ST8SIA6: variants seen among roughly 807,000 people sequenced by gnomAD.
The protein encoded by ST8SIA6 is ST8 alpha-N-acetyl-neuraminide alpha-2,8-sialyltransferase 6, also known as alpha-2,8-sialyltransferase 8F.
Under a neutral mutation model 33.6 loss-of-function variants are expected in ST8SIA6, and 39 were observed. That is an observed-to-expected ratio of 1.16 (90% CI 0.90 to 1.52). The LOEUF (loss-of-function observed/expected upper bound fraction) is 1.52. ST8SIA6 is among the 40% of genes most tolerant of loss of function. ST8SIA6 has a pLI of 0.00. For missense variants in ST8SIA6, 441 were observed against 443.8 expected, an observed-to-expected ratio of 0.99 and a Z score of 0.06; for synonymous variants, 172 against 167.2, an observed-to-expected ratio of 1.03 and a Z score of -0.22.
Position 17,320,178 on chromosome 10 carries a change from C to A in ST8SIA6, c.*700G>T, listed in dbSNP as rs568880294. 6.6e-6 allele frequency: 1 copy of A among 151,624 alleles called. No homozygotes were observed. The highest frequency in any genetic ancestry group is 1.5e-5 in the Non-Finnish European group (1 of 67,980). 9.4% of individuals were successfully genotyped at this position (151,624 alleles called of 1,614,324 possible). On this transcript the variant is annotated 3_prime_UTR_variant, in exon 8 of 8. Coordinates refer to ENST00000377602, the MANE Select transcript of ST8SIA6 (RefSeq NM_001004470.3). ...AACTGTTCACGTCCTTGAAGTATAT[C>A]GTATAAGTGAGAGAGAAAAAAGTGT...
chr10:17,351,346 C>A (rs1849022517), intron 4 of ST8SIA6, among the ~76,000 whole-genome samples: 1 of 151,254 alleles, frequency 6.6e-6, no homozygotes, highest in Non-Finnish European at 1.5e-5. Flanking sequence ...ATTCTCTGAA[C>A]CTCTACCTCT....
At chr10:17,370,479 T>C (rs1283791534) in intron 3 of ST8SIA6, among the ~76,000 whole-genome samples, 1 of 152,210 alleles carries the variant, frequency 6.6e-6, no homozygotes, top group Non-Finnish European at 1.5e-5. Context: ...TAACATCTTT[T>C]ATAATTTTAA....
intron 2 of ST8SIA6, among the ~76,000 whole-genome samples, chr10:17,402,462 A>G (rs1014106683): frequency 9.2e-5 from 14 of 152,346 alleles, no homozygotes; most frequent in African/African-American, 2.4e-4. Context: ...TCATGCTGCT[A>G]TAAAGACACA....
intron 2 of ST8SIA6, among the ~76,000 whole-genome samples, chr10:17,445,260 G>C (rs946133645): frequency 3.9e-5 from 6 of 152,146 alleles, no homozygotes; most frequent in East Asian, 1.9e-4. Flanking sequence ...ACAGCAGAGA[G>C]TAAACAGTGC....
intron 3 of ST8SIA6, among the ~76,000 whole-genome samples, chr10:17,366,348 G>GATT (rs575468059): frequency 3.3e-5 from 5 of 152,136 alleles, no homozygotes; most frequent in African/African-American, 1.2e-4. Context: ...CAGCTTCAGA[G>GATT]ATTAACTCCT....
chr10:17,437,712 T>TTCCCTTCCCTCCCTTCCC lies in ST8SIA6; in HGVS notation c.200+15829_200+15846dup, dbSNP rs369058675. On this transcript the variant is annotated intron_variant, in intron 2 of 7. Coordinates refer to ENST00000377602, the MANE Select transcript of ST8SIA6 (RefSeq NM_001004470.3). Reference sequence around the variant, plus strand: ...TTCTCCCTTCCCTTCCTTCCCTTCCTTCCCTTCCCTCCCTTCCCTCCCTTT... The same window carrying TTCCCTTCCCTCCCTTCCC: ...TTCTCCCTTCCCTTCCTTCCCTTCCTTCCCTTCCCTCCCTTCCCTCCCTTCCCTCCCTTCCCTCCCTTT... Among the ~76,000 whole-genome samples, 134 of 146,798 alleles carry TTCCCTTCCCTCCCTTCCC rather than the reference T, an allele frequency of 9.1e-4. 2 individuals carry two copies. Among genetic ancestry groups the TTCCCTTCCCTCCCTTCCC allele is most frequent in the African/African-American group, 3.2e-3 (123 of 38,968 alleles).
At chr10:17,405,114 A>T (rs1263949969) in intron 2 of ST8SIA6, among the ~76,000 whole-genome samples, 1 of 152,212 alleles carries the variant, frequency 6.6e-6, no homozygotes, top group East Asian at 1.9e-4. Flanking sequence ...ACACCTTTCC[A>T]GTTTTCTCAC....
At chr10:17,448,411 A>T (rs1852792681) in intron 2 of ST8SIA6, among the ~76,000 whole-genome samples, 1 of 152,190 alleles carries the variant, frequency 6.6e-6, no homozygotes, top group Non-Finnish European at 1.5e-5. Flanking sequence ...TTAAAGCCAA[A>T]GTGGACAGCT....
intron 2 of ST8SIA6, among the ~76,000 whole-genome samples, chr10:17,442,367 A>C (rs1235963956): frequency 1.3e-5 from 2 of 152,190 alleles, no homozygotes; most frequent in Non-Finnish European, 2.9e-5. Flanking sequence ...AAAATCAAAA[A>C]ATTTATGTGA....
intron 3 of ST8SIA6, among the ~76,000 whole-genome samples, chr10:17,378,554 G>T (rs1172295178): frequency 1.3e-5 from 2 of 152,108 alleles, no homozygotes; most frequent in African/African-American, 4.8e-5. Context: ...TGCCACAAAA[G>T]GTTTGGAACT....
intron 2 of ST8SIA6, among the ~76,000 whole-genome samples, chr10:17,447,824 T>A (rs535871897): frequency 0.023 from 3,420 of 151,502 alleles, 49 homozygotes; most frequent in African/African-American, 0.036. Context: ...TTAAAAAAAA[T>A]TTTTTTTTGA....
chr10:17,414,015 C>G (rs1189532623), intron 2 of ST8SIA6, among the ~76,000 whole-genome samples: 1 of 152,136 alleles, frequency 6.6e-6, no homozygotes, highest in Non-Finnish European at 1.5e-5. Flanking sequence ...TGAGAAGCCC[C>G]CATGCCCAAT....
chr10:17,409,501 G>A (rs1318551862), intron 2 of ST8SIA6: 1 of 152,604 alleles, frequency 6.6e-6, no homozygotes, highest in Non-Finnish European at 1.5e-5. Flanking sequence ...GGGAGGCGAA[G>A]GCAGGCAGAT....
chr10:17,409,831 C>T (rs12416335), intron 2 of ST8SIA6: 1,752 of 152,756 alleles, frequency 0.011, 57 homozygotes, highest in East Asian at 0.09. Flanking sequence ...GCCAAGATCG[C>T]GCCATTGCAC....
At chr10:17,415,391 G>C (rs1361979015) in intron 2 of ST8SIA6, among the ~76,000 whole-genome samples, 1 of 152,102 alleles carries the variant, frequency 6.6e-6, no homozygotes, top group Non-Finnish European at 1.5e-5. Flanking sequence ...TCAATGACTG[G>C]GAGAAGACTG....
At chr10:17,358,825 A>C (rs958098300) in intron 4 of ST8SIA6, among the ~76,000 whole-genome samples, 19 of 152,132 alleles carry the variant, frequency 1.2e-4, no homozygotes, top group Middle Eastern at 3.2e-3. Flanking sequence ...CCCGCCCCCC[A>C]AAAAAACCAG....
chr10:17,370,357 T>G (rs1849692651), intron 3 of ST8SIA6, among the ~76,000 whole-genome samples: 1 of 152,242 alleles, frequency 6.6e-6, no homozygotes, highest in African/African-American at 2.4e-5. Context: ...GTTAGATTTA[T>G]GTCTGCTATT....
At chr10:17,387,085 A>C (rs1303826854) in intron 3 of ST8SIA6, 3 of 152,192 alleles carry the variant, frequency 2.0e-5, no homozygotes, top group African/African-American at 7.2e-5. Flanking sequence ...GGTGAGTTCC[A>C]CGTACGTCAG....
At chr10:17,386,831 C>G (rs953572313) in intron 3 of ST8SIA6, 2 of 152,276 alleles carry the variant, frequency 1.3e-5, no homozygotes, top group Admixed American at 1.3e-4. Flanking sequence ...ACGTGATACC[C>G]GGTAGGCCTC....
Sources: allele counts gnomAD v4.1 joint callset (sites outside exome capture counted in the v4.1 genomes callset), GRCh38; gene constraint gnomAD v4.1.1; transcripts MANE v1.5; gene names NCBI Gene and HGNC (gene_info 2026-07-23, HGNC 2026-07-21).